OTOA: variants seen among roughly 807,000 people sequenced by gnomAD.
OTOA encodes the protein cancer/testis antigen 108.
In OTOA, 70 loss-of-function variants were observed where a neutral mutation model predicts 110.8. That is an observed-to-expected ratio of 0.63 (90% CI 0.52 to 0.77). The LOEUF (loss-of-function observed/expected upper bound fraction) is 0.77, where lower values mean the gene tolerates loss of function less well. OTOA is among the 30% of genes least tolerant of loss of function. The pLI is 0.00. For missense variants in OTOA, 917 were observed against 1,075.8 expected (o/e 0.85, Z 2.06); for synonymous variants, 373 against 431.5 (o/e 0.86, Z 1.68).
intron 17 of OTOA, chr16:21,721,254 C>T (rs35864988): frequency 0.12 from 51,555 of 447,392 alleles, 1,495 homozygotes; most frequent in South Asian, 0.15. Flanking sequence ...CACACACACA[C>T]ACACACACAC....
chr16:21,760,496 C>T lies in OTOA; in HGVS notation c.3376C>T (p.Leu1126Phe). The change falls in exon 29 of 29, where the codon CTT becomes TTT. Residue 1126 changes from leucine to phenylalanine, a missense_variant. Physicochemically the swap from Leu to Phe is conservative, Grantham distance 22 (BLOSUM62 0). This residue lies in a region of OTOA where 11 missense variants were observed against 23.8 expected (regional missense o/e 0.46). Coordinates refer to ENST00000646100, the MANE Select transcript of OTOA (RefSeq NM_144672.4). ...AGCTCTCCAGTCGTGGGGTCTTTGGCTTGGTTGTCCCCTGCTGGTTCTAAT... is the reference window on the plus strand; with the variant it reads ...AGCTCTCCAGTCGTGGGGTCTTTGGTTTGGTTGTCCCCTGCTGGTTCTAAT... ...AGALQSWGLW[L>F]GCPLLVLMAK... The T allele has an allele frequency of 1.2e-6, 2 of 1,604,840 alleles. No individual in the cohort carries two copies. Among genetic ancestry groups the T allele is most frequent in the Non-Finnish European group, 1.7e-6 (2 of 1,175,818 alleles).
intron 1 of OTOA, among the ~76,000 whole-genome samples, chr16:21,666,996 T>C (rs936911722): frequency 1.3e-5 from 2 of 151,912 alleles, no homozygotes; most frequent in Non-Finnish European, 2.9e-5. Flanking sequence ...AACTGGAGAA[T>C]TGTGAATGGG....
Position 21,722,768 on chromosome 16 carries a change from G to A in OTOA, c.1807-137G>A, listed in dbSNP as rs370353272. On this transcript the variant is annotated intron_variant, in intron 17 of 28. Coordinates refer to ENST00000646100, the MANE Select transcript of OTOA (RefSeq NM_144672.4). ...TCATCCATAAACTGGGCACAGTAGT[G>A]GTACTTACATCATAGGGTGCTCTAT... 1.5e-5 allele frequency: 11 copies of A among 754,090 alleles called. No individual in the cohort carries two copies. The African/African-American group carries it at 1.5e-4, about 11-fold the overall frequency. 46.7% of individuals were successfully genotyped at this position (754,090 alleles called of 1,614,324 possible).
chr16:21,693,726 C>A (rs1004314947), intron 9 of OTOA, among the ~76,000 whole-genome samples: 8 of 152,134 alleles, frequency 5.3e-5, no homozygotes, highest in African/African-American at 1.7e-4. Context: ...TAGGTGCCTG[C>A]CACCATGTCC....
At chr16:21,709,294 G>A (rs1314574318) in intron 12 of OTOA, among the ~76,000 whole-genome samples, 1 of 152,114 alleles carries the variant, frequency 6.6e-6, no homozygotes, top group Non-Finnish European at 1.5e-5. Context: ...TAGTGTGGTG[G>A]TGGGTGCCTG....
intron 11 of OTOA, 66 bp downstream of exon 11, chr16:21,701,093 T>C (rs1467804413): frequency 6.2e-7 from 1 of 1,608,900 alleles, no homozygotes; most frequent in Non-Finnish European, 8.5e-7. Flanking sequence ...CAGAATTCTC[T>C]GAGCAGCAAA....
At chr16:21,693,747 T>C (rs962815522) in intron 9 of OTOA, among the ~76,000 whole-genome samples, 1 of 152,120 alleles carries the variant, frequency 6.6e-6, no homozygotes, top group Admixed American at 6.6e-5. Flanking sequence ...AGCTGATTTT[T>C]GTATTTTTAG....
chr16:21,699,920 AAAAAAT>A (rs946608562), intron 10 of OTOA, among the ~76,000 whole-genome samples: 36 of 152,100 alleles, frequency 2.4e-4, no homozygotes, highest in Admixed American at 5.9e-4. Context: ...CTCCATCTCA[AAAAAAT>A]AAAAATAAAA....
In OTOA at chr16:21,687,561, T is replaced by C. The variant is rs961082263; in HGVS notation, c.548T>C (p.Val183Ala). Residue 183 changes from valine to alanine, a missense_variant, in exon 8 of 29, where the codon GTG becomes GCG. By Grantham distance (64) the Val-to-Ala change is moderately conservative. Coordinates refer to ENST00000646100, the MANE Select transcript of OTOA (RefSeq NM_144672.4). Reference sequence around the variant, plus strand: ...GAGTGTGTGGAGATCCTGGGCAAGGTGCTGAGGGGGTCCTCAGGGAGCTTT... The same window carrying C: ...GAGTGTGTGGAGATCCTGGGCAAGGCGCTGAGGGGGTCCTCAGGGAGCTTT... ...SLECVEILGKVLRGSSGSFLQ... is the reference protein window; with the variant it reads ...SLECVEILGKALRGSSGSFLQ... The C allele has an allele frequency of 3.1e-6, 5 of 1,613,614 alleles. No homozygotes were observed. The African/African-American group carries it at 5.4e-5, about 17-fold the overall frequency.
At chr16:21,736,589 G>A (rs967632530) in intron 22 of OTOA, among the ~76,000 whole-genome samples, 199 bp downstream of exon 22, 2 of 152,222 alleles carry the variant, frequency 1.3e-5, no homozygotes, top group Non-Finnish European at 2.9e-5. Context: ...CTAGCACTTT[G>A]TGAGGTTGAG....
At chr16:21,701,918 T>C (rs1269697904) in intron 11 of OTOA, among the ~76,000 whole-genome samples, 1 of 149,640 alleles carries the variant, frequency 6.7e-6, no homozygotes, top group African/African-American at 2.5e-5. Context: ...ATTACAGGCA[T>C]GAGCCACCAC....
At chr16:21,695,891 ATTT>A (rs386384450) in intron 9 of OTOA, among the ~76,000 whole-genome samples, 6 of 41,894 alleles carry the variant, frequency 1.4e-4, no homozygotes, top group East Asian at 6.0e-4. Context: ...ATATATATAT[ATTT>A]TTTTTTTTTT....
intron 21 of OTOA, 62 bp downstream of exon 21, chr16:21,730,992 A>G (rs1899099688): frequency 1.0e-6 from 1 of 953,394 alleles, no homozygotes; most frequent in Non-Finnish European, 1.7e-6. Flanking sequence ...AAGTGTGGTC[A>G]GTTATACAGC....
At chr16:21,714,205 TTCTC>T (rs918367312) in intron 13 of OTOA, among the ~76,000 whole-genome samples, 5 of 150,990 alleles carry the variant, frequency 3.3e-5, no homozygotes, top group African/African-American at 4.9e-5. Flanking sequence ...CTTTCTTTCT[TTCTC>T]TTTCTTTCTC....
intron 1 of OTOA, among the ~76,000 whole-genome samples, chr16:21,675,508 T>A (rs1203932752): frequency 6.6e-6 from 1 of 151,778 alleles, no homozygotes; most frequent in African/African-American, 2.4e-5. Flanking sequence ...GGGACTCCAG[T>A]TACACATATT....
chr16:21,734,834 TAAACAAAC>T (rs761248909), intron 21 of OTOA, among the ~76,000 whole-genome samples: 1 of 149,848 alleles, frequency 6.7e-6, no homozygotes, highest in Non-Finnish European at 1.5e-5. Flanking sequence ...AGACTCCGTC[TAAACAAAC>T]AAACAAACAA....
At chr16:21,713,775 G>T (rs989200127) in intron 13 of OTOA, among the ~76,000 whole-genome samples, 1 of 152,152 alleles carries the variant, frequency 6.6e-6, no homozygotes, top group Non-Finnish European at 1.5e-5. Context: ...CAGGTACCAG[G>T]CCAGCCCATT....
chr16:21,704,611 A>C (rs1898117178), intron 11 of OTOA, among the ~76,000 whole-genome samples: 1 of 152,040 alleles, frequency 6.6e-6, no homozygotes, highest in African/African-American at 2.4e-5. Context: ...TGGACTGGGG[A>C]GGGGGTGTCG....
chr16:21,680,521 A>G (rs1184328420), intron 5 of OTOA, among the ~76,000 whole-genome samples: 1 of 150,966 alleles, frequency 6.6e-6, no homozygotes, highest in Non-Finnish European at 1.5e-5. Context: ...CGCAAAACAA[A>G]CAAACAAACA....
Sources: gnomAD v4.1 joint callset for allele counts (sites outside exome capture counted in the v4.1 genomes callset) on GRCh38, gnomAD v4.1.1 for gene constraint, gnomAD v4.1.1 regional missense constraint, MANE v1.5 for transcripts, NCBI Gene and HGNC (gene_info 2026-07-23, HGNC 2026-07-21) for gene names.